Variants in ARHGEF38 observed in about 807,000 individuals in gnomAD.
ARHGEF38 encodes Rho guanine nucleotide exchange factor (GEF) 38.
ARHGEF38 carries 79 observed loss-of-function variants against 79.9 expected under a neutral mutation model. That is an observed-to-expected ratio of 0.99 (90% CI 0.82 to 1.19). The LOEUF is 1.19. Ranked by LOEUF, ARHGEF38 falls within the 50% of genes most tolerant of loss-of-function variation. The pLI, the probability that ARHGEF38 is intolerant of heterozygous loss-of-function variation, is 0.00. For missense variants in ARHGEF38, 962 were observed against 907.2 expected, an observed-to-expected ratio of 1.06 and a Z score of -0.78; for synonymous variants, 366 against 328.3, an observed-to-expected ratio of 1.11 and a Z score of -1.24.
chr4:105,577,950 CTCT>C (rs1157897590), intron 1 of ARHGEF38, among the ~76,000 whole-genome samples: 2 of 150,116 alleles, frequency 1.3e-5, no homozygotes, highest in African/African-American at 4.9e-5. Flanking sequence ...TTTGTTATTC[CTCT>C]TCTTCTGCTA....
chr4:105,634,349 C>T (rs1729316648), intron 4 of ARHGEF38, among the ~76,000 whole-genome samples: 1 of 152,162 alleles, frequency 6.6e-6, no homozygotes, highest in South Asian at 2.1e-4. Context: ...AGCAAATACA[C>T]ATCTGCATCT....
chr4:105,621,827 A>C (rs1405899126), intron 3 of ARHGEF38, among the ~76,000 whole-genome samples: 4 of 152,186 alleles, frequency 2.6e-5, no homozygotes, highest in Non-Finnish European at 5.9e-5. Context: ...AGGGTCCTAG[A>C]CCTGCATACT....
At position 105,679,371 on chromosome 4, in the gene ARHGEF38, ACT is replaced by A. The variant is rs1476381544; in HGVS notation, c.*1437_*1438del. 2 of 1,245,256 alleles carry A rather than the reference ACT, an allele frequency of 1.6e-6. No individual in the cohort carries two copies. Among genetic ancestry groups the A allele is most frequent in the Non-Finnish European group, 2.4e-6 (2 of 849,594 alleles). The allele number at this position is 1,245,256 out of a possible 1,614,324, so 77.1% of individuals were successfully genotyped here. A position where few individuals can be genotyped will look rare whatever the true frequency, so the allele number is the denominator to read the frequency against. On this transcript the variant is annotated 3_prime_UTR_variant, in exon 14 of 14. Transcript: ENST00000420470. The stretch of plus-strand genomic sequence containing the variant: ...ACCCATATTTCCTTTCAGGAGGCAC[ACT>A]CTGGTAATCTGAGACACTGCATTAC...
intron 2 of ARHGEF38, among the ~76,000 whole-genome samples, chr4:105,600,873 G>C (rs936465461): frequency 6.6e-6 from 1 of 151,994 alleles, no homozygotes; most frequent in Non-Finnish European, 1.5e-5. Context: ...ATATCAGATC[G>C]ATCAGCAAAT....
intron 5 of ARHGEF38, among the ~76,000 whole-genome samples, chr4:105,642,911 A>G (rs1729680036): frequency 6.6e-6 from 1 of 152,110 alleles, no homozygotes; most frequent in African/African-American, 2.4e-5. Context: ...TTCTGATTAT[A>G]TTCATGTAGA....
At chr4:105,601,116 A>T (rs1727802941) in intron 2 of ARHGEF38, among the ~76,000 whole-genome samples, 1 of 151,844 alleles carries the variant, frequency 6.6e-6, no homozygotes, top group Admixed American at 6.6e-5. Flanking sequence ...TTCCCCTCTC[A>T]CTCTGATTAA....
chr4:105,651,609 G>T (rs1387427012), intron 7 of ARHGEF38, among the ~76,000 whole-genome samples: 12 of 152,098 alleles, frequency 7.9e-5, no homozygotes, highest in South Asian at 2.1e-4. Context: ...GATTCCAAAG[G>T]CATAGTAGGC....
chr4:105,584,144 C>T (rs918140872), intron 1 of ARHGEF38, among the ~76,000 whole-genome samples: 7 of 152,088 alleles, frequency 4.6e-5, no homozygotes, highest in African/African-American at 1.7e-4. Context: ...AAAAAGATCC[C>T]CACTATATAC....
At chr4:105,639,305 A>T (rs1294348640) in intron 5 of ARHGEF38, among the ~76,000 whole-genome samples, 2 of 151,690 alleles carry the variant, frequency 1.3e-5, no homozygotes, top group African/African-American at 4.8e-5. Context: ...ATTATATATA[A>T]TTTTTCCAGT....
intron 1 of ARHGEF38, among the ~76,000 whole-genome samples, chr4:105,563,679 G>A (rs2110406326): frequency 6.6e-6 from 1 of 151,728 alleles, no homozygotes; most frequent in South Asian, 2.1e-4. Flanking sequence ...GTTTTTAGTA[G>A]TAGTACCTGT....
intron 1 of ARHGEF38, among the ~76,000 whole-genome samples, chr4:105,585,721 C>A (rs563959237): frequency 4.5e-5 from 3 of 66,400 alleles, no homozygotes; most frequent in African/African-American, 1.1e-4. Flanking sequence ...ATAGCCCCTC[C>A]GTTGCTTTTT....
chr4:105,580,927 G>A (rs928271442), intron 1 of ARHGEF38, among the ~76,000 whole-genome samples: 1 of 152,000 alleles, frequency 6.6e-6, no homozygotes, highest in African/African-American at 2.4e-5. Context: ...CACCAACCTC[G>A]GCATCCCAAA....
At chr4:105,664,329 G>A (rs142416936) in intron 10 of ARHGEF38, among the ~76,000 whole-genome samples, 4 of 151,988 alleles carry the variant, frequency 2.6e-5, no homozygotes, top group African/African-American at 9.7e-5. Flanking sequence ...CATTTCTCCC[G>A]CCTCAGTGGT....
chr4:105,608,634 C>A (rs906202785), intron 2 of ARHGEF38, among the ~76,000 whole-genome samples: 4 of 151,806 alleles, frequency 2.6e-5, no homozygotes, highest in Non-Finnish European at 4.4e-5. Context: ...CAAATCTTTT[C>A]TTCTAGCTAT....
intron 10 of ARHGEF38, among the ~76,000 whole-genome samples, chr4:105,665,031 T>C (rs2110573669): frequency 6.6e-6 from 1 of 152,230 alleles, no homozygotes; most frequent in East Asian, 1.9e-4. Flanking sequence ...GATCTCACTC[T>C]GTCACCCAGG....
At chr4:105,631,277 A>T in intron 4 of ARHGEF38, 1 of 1,167,730 alleles carries the variant, frequency 8.6e-7, no homozygotes, top group Non-Finnish European at 1.1e-6. Context: ...AGAGCTCTGC[A>T]GCGATTGAAA....
At chr4:105,632,406 A>C (rs1278421734) in intron 4 of ARHGEF38, among the ~76,000 whole-genome samples, 1 of 152,178 alleles carries the variant, frequency 6.6e-6, no homozygotes, top group Non-Finnish European at 1.5e-5. Context: ...TAAATATAAG[A>C]TGTAATGAGC....
intron 2 of ARHGEF38, among the ~76,000 whole-genome samples, chr4:105,604,936 C>T (rs1413074206): frequency 6.6e-6 from 1 of 152,132 alleles, no homozygotes; most frequent in Non-Finnish European, 1.5e-5. Context: ...AAATTACTTT[C>T]TCTATATTTC....
intron 1 of ARHGEF38, among the ~76,000 whole-genome samples, chr4:105,553,402 T>C (rs1348651817): frequency 6.6e-6 from 1 of 152,172 alleles, no homozygotes; most frequent in Non-Finnish European, 1.5e-5. Flanking sequence ...ATTGTGGTTA[T>C]CTTAAATAGG....
Sources: allele counts gnomAD v4.1 joint callset (sites outside exome capture counted in the v4.1 genomes callset), GRCh38; gene constraint gnomAD v4.1.1; transcripts MANE v1.5; gene names NCBI Gene and HGNC (gene_info 2026-07-23, HGNC 2026-07-21).